SEMA3A: variants seen among roughly 807,000 people sequenced by gnomAD.
The protein encoded by SEMA3A is semaphorin-3A.
SEMA3A carries 29 observed loss-of-function variants against 97.9 expected under a neutral mutation model. The observed-to-expected ratio is 0.30, with a 90% CI of 0.22 to 0.40. SEMA3A has a LOEUF of 0.40. Ranked by LOEUF, SEMA3A falls within the 10% of genes least tolerant of loss-of-function variation. The pLI, the probability that SEMA3A is intolerant of heterozygous loss-of-function variation, is 1.00. For synonymous variants in SEMA3A, 321 were observed against 323.7 expected (o/e 0.99, Z 0.09); for missense variants, 763 against 951.3 (o/e 0.80, Z 2.60).
chr7:84,432,697 G>A (rs376126218), intron 1 of SEMA3A, among the ~76,000 whole-genome samples: 1 of 152,028 alleles, frequency 6.6e-6, no homozygotes, highest in African/African-American at 2.4e-5. Flanking sequence ...CTTCATTCAT[G>A]TTGCTGCAAA....
At chr7:84,398,562 A>C (rs537988866) in intron 1 of SEMA3A, among the ~76,000 whole-genome samples, 1 of 152,272 alleles carries the variant, frequency 6.6e-6, no homozygotes, top group South Asian at 2.1e-4. Flanking sequence ...ATTTGACACT[A>C]GTCTGGGCAG....
intron 3 of SEMA3A, among the ~76,000 whole-genome samples, chr7:84,111,509 G>A (rs1266725148): frequency 6.6e-6 from 1 of 152,070 alleles, no homozygotes; most frequent in Non-Finnish European, 1.5e-5. Context: ...GAAGGATCAG[G>A]CAACCAAATT....
intron 1 of SEMA3A, among the ~76,000 whole-genome samples, chr7:84,138,956 A>G (rs1351150264): frequency 6.6e-6 from 1 of 152,062 alleles, no homozygotes; most frequent in East Asian, 1.9e-4. Flanking sequence ...CAGATTCTTC[A>G]GTATTCTGTT....
intron 3 of SEMA3A, among the ~76,000 whole-genome samples, chr7:84,287,728 T>C (rs1343532371): frequency 6.6e-6 from 1 of 152,122 alleles, no homozygotes; most frequent in East Asian, 1.9e-4. Context: ...CAGTGTACCA[T>C]TGTGTAGACC....
intron 3 of SEMA3A, among the ~76,000 whole-genome samples, chr7:84,244,852 G>A (rs1303161347): frequency 6.6e-6 from 1 of 152,108 alleles, no homozygotes; most frequent in Non-Finnish European, 1.5e-5. Context: ...ATGAAGCTTA[G>A]TTTGGTTGGA....
At chr7:84,408,051 A>G (rs960419986) in intron 1 of SEMA3A, among the ~76,000 whole-genome samples, 1 of 152,232 alleles carries the variant, frequency 6.6e-6, no homozygotes, top group South Asian at 2.1e-4. Flanking sequence ...ATGGGATCTA[A>G]TTAAACTAAA....
chr7:84,352,606 A>C (rs1027955878), intron 2 of SEMA3A, among the ~76,000 whole-genome samples: 1 of 151,862 alleles, frequency 6.6e-6, no homozygotes, highest in African/African-American at 2.4e-5. Flanking sequence ...ATGAAGCAAT[A>C]AACTATTTGC....
intron 4 of SEMA3A, among the ~76,000 whole-genome samples, chr7:84,097,608 C>G (rs564888925): frequency 1.4e-4 from 21 of 151,970 alleles, no homozygotes; most frequent in Admixed American, 1.1e-3. Context: ...AAATGGCAGA[C>G]TGGAAAATAA....
chr7:84,203,315 G>C (rs935960094), intron 3 of SEMA3A, among the ~76,000 whole-genome samples: 1 of 151,224 alleles, frequency 6.6e-6, no homozygotes, highest in Non-Finnish European at 1.5e-5. Flanking sequence ...AATTCAAAGG[G>C]AAGAGAAGCC....
At chr7:84,347,054 T>C (rs957803009) in intron 2 of SEMA3A, among the ~76,000 whole-genome samples, 1 of 152,330 alleles carries the variant, frequency 6.6e-6, no homozygotes, top group South Asian at 2.1e-4. Context: ...ACCAAGTGTT[T>C]ATGAAGATGT....
chr7:84,422,244 G>C (rs1804617475), intron 1 of SEMA3A, among the ~76,000 whole-genome samples: 2 of 151,824 alleles, frequency 1.3e-5, no homozygotes, highest in Non-Finnish European at 2.9e-5. Flanking sequence ...GTTTAGTCTT[G>C]GGAGGGTGTA....
intron 3 of SEMA3A, among the ~76,000 whole-genome samples, chr7:84,305,238 T>TAA (rs752314875): frequency 6.8e-5 from 8 of 118,234 alleles, no homozygotes; most frequent in African/African-American, 1.5e-4. Flanking sequence ...TTACTTCCAG[T>TAA]AAAAAAAAAA....
intron 6 of SEMA3A, among the ~76,000 whole-genome samples, chr7:84,037,841 A>G (rs1791996316): frequency 6.6e-6 from 1 of 152,078 alleles, no homozygotes; most frequent in Non-Finnish European, 1.5e-5. Context: ...AGAAAGTACC[A>G]TAGGAAACTG....
intron 1 of SEMA3A, among the ~76,000 whole-genome samples, chr7:84,432,577 C>T (rs916029730): frequency 3.3e-5 from 5 of 152,094 alleles, no homozygotes; most frequent in Non-Finnish European, 5.9e-5. Flanking sequence ...GCTATCATTG[C>T]CATCTTTATT....
chr7:84,134,097 T>C (rs1445196808), intron 2 of SEMA3A, among the ~76,000 whole-genome samples: 2 of 151,906 alleles, frequency 1.3e-5, no homozygotes, highest in Non-Finnish European at 2.9e-5. Context: ...ATATAGCTTA[T>C]TAATGAAATG....
chr7:84,098,312 G>A (rs1794840377), intron 4 of SEMA3A, among the ~76,000 whole-genome samples: 1 of 151,748 alleles, frequency 6.6e-6, no homozygotes, highest in African/African-American at 2.4e-5. Flanking sequence ...TTGTATTAGT[G>A]CTACAAATCC....
At chr7:83,972,990 C>T (rs530983993) in intron 15 of SEMA3A, among the ~76,000 whole-genome samples, 12 of 152,236 alleles carry the variant, frequency 7.9e-5, no homozygotes, top group African/African-American at 2.9e-4. Flanking sequence ...ACGCACACTT[C>T]TTTATACTTT....
chr7:83,987,907 C>T (rs1789705026), intron 12 of SEMA3A, among the ~76,000 whole-genome samples: 2 of 152,208 alleles, frequency 1.3e-5, no homozygotes, highest in African/African-American at 4.8e-5. Context: ...TCCACTGAGT[C>T]TAGCTTTTAT....
chr7:83,962,655 T>G (rs2116252865), intron 16 of SEMA3A, among the ~76,000 whole-genome samples: 1 of 152,276 alleles, frequency 6.6e-6, no homozygotes, highest in East Asian at 1.9e-4. Context: ...ATACAATTCT[T>G]TACTCTTATG....
Sources: allele counts gnomAD v4.1 joint callset (sites outside exome capture counted in the v4.1 genomes callset), GRCh38; gene constraint gnomAD v4.1.1; transcripts MANE v1.5; gene names NCBI Gene and HGNC (gene_info 2026-07-23, HGNC 2026-07-21).